TMEM232: variants seen among roughly 807,000 people sequenced by gnomAD.
TMEM232 encodes the protein transmembrane protein 232.
Under a neutral mutation model 78.8 loss-of-function variants are expected in TMEM232, and 80 were observed. The ratio of observed to expected loss-of-function variants is 1.01; its 90% CI spans 0.85 to 1.22. The LOEUF (loss-of-function observed/expected upper bound fraction) is 1.22, where lower values mean the gene tolerates loss of function less well. Among genes scored for constraint, TMEM232 ranks in the 50% most tolerant of loss-of-function variants. The pLI is 0.00. For missense variants in TMEM232, 881 were observed against 742.2 expected (o/e 1.19, Z -2.17); for synonymous variants, 297 against 254.3 (o/e 1.17, Z -1.60).
chr5:110,613,203 G>A (rs890350047), intron 8 of TMEM232, among the ~76,000 whole-genome samples: 12 of 152,080 alleles, frequency 7.9e-5, no homozygotes, highest in Non-Finnish European at 1.5e-4. Flanking sequence ...TCCTGAACCT[G>A]CTGTTTTCCA....
intron 12 of TMEM232, among the ~76,000 whole-genome samples, chr5:110,524,564 CAT>C (rs1469143661): frequency 1.3e-5 from 2 of 152,142 alleles, no homozygotes; most frequent in African/African-American, 2.4e-5. Flanking sequence ...TGTGACCTAA[CAT>C]GTGATCTATG....
At chr5:110,641,977 C>CT (rs35764619) in intron 3 of TMEM232, among the ~76,000 whole-genome samples, 1 of 152,104 alleles carries the variant, frequency 6.6e-6, no homozygotes, top group Non-Finnish European at 1.5e-5. Flanking sequence ...TCTCAATTAA[C>CT]TTTTTTTAAA....
chr5:110,426,733 G>A (rs533080761), intron 12 of TMEM232, among the ~76,000 whole-genome samples: 1 of 151,728 alleles, frequency 6.6e-6, no homozygotes, highest in South Asian at 2.1e-4. Context: ...TTAAAGTACT[G>A]TATTACAGAA....
intron 1 of TMEM232, among the ~76,000 whole-genome samples, chr5:110,724,873 T>G (rs1797999341): frequency 6.6e-6 from 1 of 151,826 alleles, no homozygotes; most frequent in South Asian, 2.1e-4. Flanking sequence ...ACAAAAAAAC[T>G]TGCCATGTTA....
chr5:110,425,215 T>A (rs1757104104), intron 12 of TMEM232, among the ~76,000 whole-genome samples: 1 of 152,078 alleles, frequency 6.6e-6, no homozygotes. Context: ...GAATTTGTTC[T>A]AAGATATGCT....
At chr5:110,484,719 TTAA>T (rs1012208688) in intron 12 of TMEM232, among the ~76,000 whole-genome samples, 19 of 151,938 alleles carry the variant, frequency 1.3e-4, no homozygotes, top group Non-Finnish European at 2.5e-4. Flanking sequence ...AAAAAGATAT[TTAA>T]TAATAATAAA....
At chr5:110,534,390 C>T (rs1772010982) in intron 11 of TMEM232, among the ~76,000 whole-genome samples, 1 of 152,226 alleles carries the variant, frequency 6.6e-6, no homozygotes, top group African/African-American at 2.4e-5. Flanking sequence ...CAGCTACCAA[C>T]TTAAAAAAGA....
At chr5:110,464,230 G>GC (rs1761838317) in intron 12 of TMEM232, among the ~76,000 whole-genome samples, 1 of 152,110 alleles carries the variant, frequency 6.6e-6, no homozygotes, top group South Asian at 2.1e-4. Context: ...TCAGCAGAAC[G>GC]CAGTGGCTGA....
chr5:110,437,563 C>T (rs1185721390), intron 12 of TMEM232, among the ~76,000 whole-genome samples: 1 of 151,928 alleles, frequency 6.6e-6, no homozygotes, highest in African/African-American at 2.4e-5. Flanking sequence ...GTGGTGAGAA[C>T]TTTGGTGCTA....
At chr5:110,465,776 T>C (rs1268185206) in intron 12 of TMEM232, among the ~76,000 whole-genome samples, 1 of 152,114 alleles carries the variant, frequency 6.6e-6, no homozygotes, top group Admixed American at 6.5e-5. Flanking sequence ...GTAAAATGAG[T>C]TATTGCTCCT....
At chr5:110,559,584 T>A (rs1257722314) in intron 11 of TMEM232, among the ~76,000 whole-genome samples, 1 of 152,182 alleles carries the variant, frequency 6.6e-6, no homozygotes, top group East Asian at 1.9e-4. Context: ...ATGCTCAGCT[T>A]CATTAGTCAC....
intron 1 of TMEM232, 92 bp from the exon 2 acceptor site, chr5:110,667,456 A>G (rs1790740648): frequency 2.0e-6 from 2 of 1,005,864 alleles, no homozygotes; most frequent in Non-Finnish European, 2.8e-6. Context: ...GGAAAAGAAT[A>G]GCAAGAACTA....
At chr5:110,388,362 C>T (rs10060257) in intron 4 of TMEM232, among the ~76,000 whole-genome samples, 12,608 of 152,142 alleles carry the variant, frequency 0.083, 1,402 homozygotes, top group African/African-American at 0.25. Flanking sequence ...TTTGAACATA[C>T]CTAGTCCCAG....
intron 2 of TMEM232, among the ~76,000 whole-genome samples, chr5:110,642,600 G>A (rs932792250): frequency 6.6e-6 from 1 of 152,004 alleles, no homozygotes; most frequent in Non-Finnish European, 1.5e-5. Context: ...AGACCTTTGC[G>A]GCCCCTGAGA....
intron 12 of TMEM232, among the ~76,000 whole-genome samples, chr5:110,466,165 A>G (rs377269879): frequency 2.6e-5 from 4 of 152,336 alleles, no homozygotes; most frequent in African/African-American, 9.6e-5. Flanking sequence ...AATTCCCAAA[A>G]TATTACCTTA....
At chr5:110,626,061 A>G (rs890997366) in intron 6 of TMEM232, among the ~76,000 whole-genome samples, 2 of 152,036 alleles carry the variant, frequency 1.3e-5, no homozygotes, top group African/African-American at 4.8e-5. Context: ...GTGGAGAGGT[A>G]GCAGCCGCTG....
rs1780592758 is a variant in TMEM232, at chr5:110,599,310, A to T, written c.1276+5799T>A. ...GCATCATGAAGACAGGATCAAATTC[A>T]CACATAACAATATTAACCTTAAATG... On this transcript the variant is annotated intron_variant, in intron 10 of 13. Transcript: ENST00000455884. Among the ~76,000 whole-genome samples, 3 of 152,304 alleles carry T rather than the reference A, an allele frequency of 2.0e-5. No homozygotes were observed. The South Asian group carries it at 6.2e-4, about 32-fold the overall frequency.
At chr5:110,659,501 G>A (rs556980438) in intron 2 of TMEM232, among the ~76,000 whole-genome samples, 17 of 152,134 alleles carry the variant, frequency 1.1e-4, no homozygotes, top group African/African-American at 4.8e-5. Flanking sequence ...ACTGGAGGAG[G>A]ATGCATTTCT....
intron 1 of TMEM232, among the ~76,000 whole-genome samples, chr5:110,693,895 G>T (rs1212256659): frequency 6.6e-6 from 1 of 152,162 alleles, no homozygotes; most frequent in Non-Finnish European, 1.5e-5. Flanking sequence ...ATATTATCCA[G>T]GAGAACTTTC....
Sources: gnomAD v4.1 joint callset for allele counts (sites outside exome capture counted in the v4.1 genomes callset) on GRCh38, gnomAD v4.1.1 for gene constraint, MANE v1.5 for transcripts, NCBI Gene and HGNC (gene_info 2026-07-23, HGNC 2026-07-21) for gene names.